Variants in SPAG9 observed in about 807,000 individuals in gnomAD.
SPAG9 encodes the protein sperm associated antigen 9.
Under a neutral mutation model 166.5 loss-of-function variants are expected in SPAG9, and 35 were observed. The ratio of observed to expected loss-of-function variants is 0.21; its 90% CI spans 0.16 to 0.28. SPAG9 has a LOEUF of 0.28. Among genes scored for constraint, SPAG9 ranks in the 10% least tolerant of loss-of-function variants. SPAG9 has a pLI of 1.00. For missense variants in SPAG9, 1,235 were observed against 1,603.3 expected (o/e 0.77, Z 3.92); for synonymous variants, 534 against 565.5 (o/e 0.94, Z 0.79).
chr17:50,979,242 A>C (rs1974409960), intron 26 of SPAG9, among the ~76,000 whole-genome samples: 1 of 151,456 alleles, frequency 6.6e-6, no homozygotes, highest in Non-Finnish European at 1.5e-5. Context: ...CCAACATGAT[A>C]GTGCAGGCCT....
At chr17:51,041,729 T>C (rs2046846076) in intron 4 of SPAG9, 78 bp from the exon 5 acceptor site, 1 of 1,338,070 alleles carries the variant, frequency 7.5e-7, no homozygotes, top group Non-Finnish European at 1.1e-6. Flanking sequence ...GTAATAAGCC[T>C]GGACTGCCAC....
chr17:51,092,945 A>T (rs796569504), intron 1 of SPAG9, among the ~76,000 whole-genome samples: 18 of 150,852 alleles, frequency 1.2e-4, no homozygotes, highest in East Asian at 3.9e-4. Context: ...CTCTTAAAAA[A>T]TTTTTTTTTC....
At chr17:51,073,600 G>A (rs2047886498) in intron 2 of SPAG9, among the ~76,000 whole-genome samples, 1 of 151,582 alleles carries the variant, frequency 6.6e-6, no homozygotes, top group Admixed American at 6.6e-5. Flanking sequence ...TGAAAAAACA[G>A]TCAAATAATT....
chr17:51,072,155 T>C (rs978069759), intron 2 of SPAG9, among the ~76,000 whole-genome samples: 7 of 152,010 alleles, frequency 4.6e-5, no homozygotes, highest in African/African-American at 1.7e-4. Flanking sequence ...CAATGCAACC[T>C]CCGCCTCCCA....
Position 50,982,563 on chromosome 17 carries a change from G to A in SPAG9, c.3198C>T (p.Asn1066=), listed in dbSNP as rs776515010. ...CCTTTGGCTGCACCACATAGATTTT[G>A]TTCCTATAGCCACACCAGACTTTGT... is the stretch of plus-strand genomic sequence containing the variant. ...VHDKVWCGYR[N]KIYVVQPKAM... Residue 1066 remains asparagine (N), a synonymous_variant, in exon 25 of 30, where the codon AAC becomes AAT. Transcript: ENST00000262013. 4 of 1,613,584 alleles carry A rather than the reference G, an allele frequency of 2.5e-6. No homozygotes were observed. The highest frequency in any genetic ancestry group is 3.4e-6 in the Non-Finnish European group (4 of 1,179,890).
intron 8 of SPAG9, chr17:51,014,577 T>C (rs1052073545): frequency 2.4e-6 from 1 of 418,714 alleles, no homozygotes; most frequent in Non-Finnish European, 4.3e-6. Flanking sequence ...TGTTGTGTGA[T>C]CCCAGCAAAC....
At chr17:51,067,479 T>C (rs1420760995) in intron 2 of SPAG9, among the ~76,000 whole-genome samples, 2 of 152,216 alleles carry the variant, frequency 1.3e-5, no homozygotes, top group African/African-American at 2.4e-5. Context: ...TATACCTATA[T>C]TGTTGCATTC....
At chr17:51,092,651 C>T (rs1380954057) in intron 1 of SPAG9, among the ~76,000 whole-genome samples, 1 of 150,016 alleles carries the variant, frequency 6.7e-6, no homozygotes, top group African/African-American at 2.5e-5. Context: ...CAGTGGCTCA[C>T]GCCTGTAATC....
intron 1 of SPAG9, among the ~76,000 whole-genome samples, chr17:51,099,453 GA>G (rs888921052): frequency 2.0e-5 from 3 of 147,370 alleles, no homozygotes; most frequent in African/African-American, 2.5e-5. Context: ...AAAAAAAAAG[GA>G]AAAAAAATAC....
chr17:51,043,195 G>A (rs868495512), intron 4 of SPAG9, among the ~76,000 whole-genome samples: 11 of 151,972 alleles, frequency 7.2e-5, no homozygotes, highest in South Asian at 2.1e-4. Flanking sequence ...TGGCCAAGAG[G>A]GTAAATTTTA....
chr17:51,059,341 T>C (rs918741502), intron 2 of SPAG9, among the ~76,000 whole-genome samples: 2 of 152,088 alleles, frequency 1.3e-5, no homozygotes, highest in African/African-American at 4.8e-5. Context: ...TATGTTATCC[T>C]ACAATGGCTA....
chr17:51,005,431 T>C (rs1597970657), intron 11 of SPAG9, among the ~76,000 whole-genome samples, 168 bp from the exon 12 acceptor site: 1 of 152,384 alleles, frequency 6.6e-6, no homozygotes, highest in African/African-American at 2.4e-5. Context: ...ATCATAGCAT[T>C]GTTCAGAAAT....
chr17:50,989,987 C>T, intron 20 of SPAG9, 115 bp from the exon 21 acceptor site: 1 of 853,524 alleles, frequency 1.2e-6, no homozygotes, highest in Non-Finnish European at 1.9e-6. Context: ...CACACTGTAC[C>T]ATGAAATTAA....
At chr17:51,067,627 A>C (rs751501902) in intron 2 of SPAG9, among the ~76,000 whole-genome samples, 16 of 152,314 alleles carry the variant, frequency 1.1e-4, no homozygotes, top group Non-Finnish European at 1.8e-4. Context: ...ATTAACTGGA[A>C]ATAAACAAGA....
At chr17:50,971,543 C>CTGT (rs1973817129) in intron 28 of SPAG9, among the ~76,000 whole-genome samples, 1 of 137,264 alleles carries the variant, frequency 7.3e-6, no homozygotes, top group Non-Finnish European at 1.5e-5. Flanking sequence ...TCTTGGCTCA[C>CTGT]TGCAACCTCC....
chr17:51,001,962 G>A, intron 12 of SPAG9, 117 bp from the exon 13 acceptor site: 1 of 892,782 alleles, frequency 1.1e-6, no homozygotes, highest in Non-Finnish European at 1.7e-6. Flanking sequence ...TAATCTAGTA[G>A]ATCATTTAAA....
At chr17:51,088,852 T>C (rs950833316) in intron 1 of SPAG9, among the ~76,000 whole-genome samples, 2 of 151,408 alleles carry the variant, frequency 1.3e-5, no homozygotes, top group Admixed American at 1.3e-4. Flanking sequence ...CCCAGCACTT[T>C]GGGAGGCCGA....
chr17:51,060,854 T>G (rs1223112904), intron 2 of SPAG9, among the ~76,000 whole-genome samples: 2 of 151,120 alleles, frequency 1.3e-5, no homozygotes, highest in Non-Finnish European at 3.0e-5. Flanking sequence ...TTTGTTTTTT[T>G]TTTTTTTCCT....
intron 6 of SPAG9, among the ~76,000 whole-genome samples, chr17:51,028,084 T>TAA (rs1186606574): frequency 2.0e-5 from 3 of 151,942 alleles, no homozygotes; most frequent in Non-Finnish European, 4.4e-5. Context: ...AAAAAAATTT[T>TAA]TTTTAAATAG....
Sources: allele counts gnomAD v4.1 joint callset (sites outside exome capture counted in the v4.1 genomes callset), GRCh38; gene constraint gnomAD v4.1.1; transcripts MANE v1.5; gene names NCBI Gene and HGNC (gene_info 2026-07-23, HGNC 2026-07-21).